The following ULK4 variants were observed in gnomAD, a reference collection of about 807,000 sequenced individuals.
ULK4 encodes the protein unc-51 like kinase 4.
In ULK4, 133 loss-of-function variants were observed where a neutral mutation model predicts 160.6. That is an observed-to-expected ratio of 0.83 (90% confidence interval 0.72 to 0.96). The LOEUF (loss-of-function observed/expected upper bound fraction) is 0.96. Among genes scored for constraint, ULK4 ranks in the 40% least tolerant of loss-of-function variants. ULK4 has a pLI of 0.00. For synonymous variants in ULK4, 534 were observed against 539.8 expected (o/e 0.99, Z 0.15); for missense variants, 1,580 against 1,499.5 (o/e 1.05, Z -0.89).
At chr3:41,303,804 C>A (rs900391711) in intron 35 of ULK4, among the ~76,000 whole-genome samples, 25 of 152,004 alleles carry the variant, frequency 1.6e-4, no homozygotes, top group Non-Finnish European at 3.4e-4. Context: ...GGAAGAGCAG[C>A]CTGCAGTAGT....
chr3:41,518,700 T>C (rs1795311), intron 32 of ULK4, among the ~76,000 whole-genome samples: 3,795 of 152,296 alleles, frequency 0.025, 263 homozygotes, highest in Admixed American at 0.15. Flanking sequence ...GCGTTAGAGA[T>C]ACTATGCAGC....
intron 22 of ULK4, among the ~76,000 whole-genome samples, chr3:41,742,046 G>A (rs574835350): frequency 1.3e-5 from 2 of 151,854 alleles, no homozygotes; most frequent in Non-Finnish European, 2.9e-5. Context: ...ATTCTTTCTA[G>A]CAATACCTGC....
At chr3:41,282,604 A>G (rs1317043425) in intron 35 of ULK4, among the ~76,000 whole-genome samples, 1 of 152,234 alleles carries the variant, frequency 6.6e-6, no homozygotes, top group African/African-American at 2.4e-5. Flanking sequence ...CATATGTAGA[A>G]AGCTGAAACT....
At chr3:41,339,559 T>C (rs548355437) in intron 35 of ULK4, among the ~76,000 whole-genome samples, 1 of 152,284 alleles carries the variant, frequency 6.6e-6, no homozygotes, top group Admixed American at 6.5e-5. Flanking sequence ...TTCCTCAATA[T>C]ACAACTTATT....
At chr3:41,486,589 A>C (rs1274027025) in intron 32 of ULK4, among the ~76,000 whole-genome samples, 2 of 152,180 alleles carry the variant, frequency 1.3e-5, no homozygotes, top group Non-Finnish European at 2.9e-5. Context: ...TAGATGGCCT[A>C]ACTAGAAGTA....
intron 30 of ULK4, among the ~76,000 whole-genome samples, chr3:41,661,292 T>C (rs564844018): frequency 6.6e-6 from 1 of 152,320 alleles, no homozygotes; most frequent in South Asian, 2.1e-4. Context: ...CCAAATCATT[T>C]TGATAAGTGA....
chr3:41,635,220 A>C (rs2033900649), intron 30 of ULK4, among the ~76,000 whole-genome samples: 1 of 152,180 alleles, frequency 6.6e-6, no homozygotes. Context: ...AGTTACTAAG[A>C]AACAAAAATA....
intron 34 of ULK4, among the ~76,000 whole-genome samples, chr3:41,446,142 C>T (rs1426979433): frequency 1.3e-5 from 2 of 152,100 alleles, no homozygotes; most frequent in Non-Finnish European, 2.9e-5. Flanking sequence ...TCATCACTGG[C>T]CATCAGAGAA....
At chr3:41,859,234 A>G (rs1260328965) in intron 17 of ULK4, 8 of 540,326 alleles carry the variant, frequency 1.5e-5, no homozygotes, top group Non-Finnish European at 2.1e-5. Context: ...AAGGCAACTA[A>G]TGACCAAAAT....
At chr3:41,503,717 T>C (rs2085286176) in intron 32 of ULK4, among the ~76,000 whole-genome samples, 1 of 152,200 alleles carries the variant, frequency 6.6e-6, no homozygotes, top group African/African-American at 2.4e-5. Flanking sequence ...ATTTAGTATG[T>C]TTTTGTCTTT....
intron 31 of ULK4, among the ~76,000 whole-genome samples, chr3:41,611,180 A>T (rs1458758400): frequency 6.6e-6 from 1 of 152,196 alleles, no homozygotes; most frequent in East Asian, 1.9e-4. Flanking sequence ...CACCGTGAAG[A>T]CTGTACGTAC....
At chr3:41,686,858 T>C (rs1349937350) in intron 27 of ULK4, among the ~76,000 whole-genome samples, 1 of 152,202 alleles carries the variant, frequency 6.6e-6, no homozygotes, top group East Asian at 1.9e-4. Context: ...AAAAATATTT[T>C]TATATTTCAA....
At chr3:41,608,976 A>T (rs1426164553) in intron 31 of ULK4, among the ~76,000 whole-genome samples, 1 of 152,242 alleles carries the variant, frequency 6.6e-6, no homozygotes, top group Non-Finnish European at 1.5e-5. Flanking sequence ...AGAGAGAAGG[A>T]AGAATGTGTA....
intron 19 of ULK4, among the ~76,000 whole-genome samples, chr3:41,818,481 C>T (rs900569): frequency 0.62 from 94,568 of 152,162 alleles, 31,932 homozygotes; most frequent in African/African-American, 0.9. Context: ...AACCCAAACA[C>T]GTCTTTTGAT....
At chr3:41,278,981 C>T (rs570453865) in intron 35 of ULK4, among the ~76,000 whole-genome samples, 74 of 152,106 alleles carry the variant, frequency 4.9e-4, no homozygotes, top group African/African-American at 1.8e-3. Flanking sequence ...TTCAGAAGGT[C>T]GGTAATAACA....
At chr3:41,346,078 T>G (rs1419790244) in intron 35 of ULK4, among the ~76,000 whole-genome samples, 2 of 151,978 alleles carry the variant, frequency 1.3e-5, no homozygotes, top group Admixed American at 6.6e-5. Context: ...AACAGAGAGA[T>G]AACGCAGAAG....
chr3:41,521,885 C>T (rs2085942080), intron 32 of ULK4, among the ~76,000 whole-genome samples: 1 of 152,106 alleles, frequency 6.6e-6, no homozygotes, highest in Admixed American at 6.5e-5. Flanking sequence ...AATTGCCTTG[C>T]CATGTTACTT....
At chr3:41,767,370 T>G (rs1450843034) in intron 21 of ULK4, among the ~76,000 whole-genome samples, 1 of 151,792 alleles carries the variant, frequency 6.6e-6, no homozygotes, top group African/African-American at 2.4e-5. Context: ...AAAATACTTT[T>G]TGCTTTTTTA....
intron 21 of ULK4, among the ~76,000 whole-genome samples, chr3:41,772,284 G>C (rs1471573643): frequency 1.3e-5 from 2 of 152,064 alleles, no homozygotes; most frequent in Non-Finnish European, 2.9e-5. Context: ...TCCAGGAGCT[G>C]GTTTTTTGAA....
Sources: gnomAD v4.1 joint callset for allele counts (sites outside exome capture counted in the v4.1 genomes callset) on GRCh38, gnomAD v4.1.1 for gene constraint, MANE v1.5 for transcripts, NCBI Gene and HGNC (gene_info 2026-07-23, HGNC 2026-07-21) for gene names.